CFAP221: variants seen among roughly 807,000 people sequenced by gnomAD.
The protein encoded by CFAP221 is cilia and flagella associated protein 221.
CFAP221 carries 97 observed loss-of-function variants against 113.1 expected under a neutral mutation model. The observed-to-expected ratio is 0.86, with a 90% confidence interval of 0.73 to 1.02. The LOEUF (loss-of-function observed/expected upper bound fraction) is 1.02. Ranked by LOEUF, CFAP221 falls within the 50% of genes least tolerant of loss-of-function variation. CFAP221 has a pLI of 0.00. For missense variants in CFAP221, 1,025 were observed against 1,013.4 expected (o/e 1.01, Z -0.16); for synonymous variants, 331 against 354.4 (o/e 0.93, Z 0.74).
intron 21 of CFAP221, among the ~76,000 whole-genome samples, chr2:119,640,948 G>A (rs752795443): frequency 6.6e-5 from 10 of 152,170 alleles, no homozygotes; most frequent in African/African-American, 2.2e-4. Context: ...CATTCTCAGC[G>A]TTGATGTTTT....
chr2:119,563,849 GC>G (rs751964653), intron 6 of CFAP221, among the ~76,000 whole-genome samples: 20 of 152,218 alleles, frequency 1.3e-4, no homozygotes, highest in Non-Finnish European at 2.5e-4. Context: ...CTCCAAGGAT[GC>G]CATGGGCTGG....
chr2:119,585,591 ATTG>A (rs1464791163), intron 6 of CFAP221, among the ~76,000 whole-genome samples: 1 of 152,092 alleles, frequency 6.6e-6, no homozygotes, highest in African/African-American at 2.4e-5. Flanking sequence ...TCGTTATTTT[ATTG>A]TTCTTTACAT....
At chr2:119,568,811 T>C (rs1681830895) in intron 6 of CFAP221, among the ~76,000 whole-genome samples, 1 of 152,228 alleles carries the variant, frequency 6.6e-6, no homozygotes, top group African/African-American at 2.4e-5. Flanking sequence ...TCTTTCTTTA[T>C]GTAAGTTCAA....
At chr2:119,624,917 G>A (rs1686186241) in intron 14 of CFAP221, among the ~76,000 whole-genome samples, 1 of 152,066 alleles carries the variant, frequency 6.6e-6, no homozygotes, top group Non-Finnish European at 1.5e-5. Context: ...AATACCTAAT[G>A]TAGATGGCGG....
chr2:119,588,909 G>GCC (rs1302532530), intron 7 of CFAP221, among the ~76,000 whole-genome samples: 9 of 152,024 alleles, frequency 5.9e-5, no homozygotes, highest in African/African-American at 2.2e-4. Context: ...GTGGACCGAG[G>GCC]GCCACTCAGA....
chr2:119,635,724 C>A (rs565183893), intron 19 of CFAP221, among the ~76,000 whole-genome samples: 31 of 152,160 alleles, frequency 2.0e-4, no homozygotes, highest in African/African-American at 7.5e-4. Context: ...AATTAGGAGA[C>A]CCTAAGGAAG....
At chr2:119,603,358 C>G (rs747331184) in intron 8 of CFAP221, among the ~76,000 whole-genome samples, 8 of 152,166 alleles carry the variant, frequency 5.3e-5, no homozygotes, top group Non-Finnish European at 1.0e-4. Flanking sequence ...GACAGGGATG[C>G]TGAACCTCAG....
intron 21 of CFAP221, among the ~76,000 whole-genome samples, chr2:119,640,736 C>G (rs1687434490): frequency 2.0e-5 from 3 of 152,316 alleles, no homozygotes; most frequent in Middle Eastern, 3.4e-3. Flanking sequence ...AACCTGAGCT[C>G]TGCCACCAAC....
intron 8 of CFAP221, among the ~76,000 whole-genome samples, chr2:119,603,051 A>G (rs989119718): frequency 6.6e-6 from 1 of 152,218 alleles, no homozygotes; most frequent in Non-Finnish European, 1.5e-5. Flanking sequence ...TATAAATTCT[A>G]TCATGAAGGG....
At chr2:119,561,385 T>C (rs141286982) in intron 5 of CFAP221, among the ~76,000 whole-genome samples, 2 of 152,356 alleles carry the variant, frequency 1.3e-5, no homozygotes, top group Non-Finnish European at 2.9e-5. Context: ...ACAGGCATTG[T>C]ATAAAATGCC....
At chr2:119,569,292 G>A (rs1177149793) in intron 6 of CFAP221, among the ~76,000 whole-genome samples, 1 of 151,954 alleles carries the variant, frequency 6.6e-6, no homozygotes, top group East Asian at 1.9e-4. Context: ...CTAATTTTTT[G>A]TATTTTTAGT....
intron 21 of CFAP221, among the ~76,000 whole-genome samples, chr2:119,643,827 G>A (rs1183479186): frequency 2.0e-5 from 3 of 152,094 alleles, no homozygotes; most frequent in African/African-American, 7.2e-5. Flanking sequence ...TTACAGGCGT[G>A]AGCCACCGTG....
At chr2:119,549,782 G>A (rs1680295111) in intron 3 of CFAP221, among the ~76,000 whole-genome samples, 1 of 152,148 alleles carries the variant, frequency 6.6e-6, no homozygotes, top group Non-Finnish European at 1.5e-5. Context: ...AGGGAGGCAG[G>A]GGTCAGCCCC....
intron 23 of CFAP221, 179 bp from the exon 24 acceptor site, chr2:119,656,183 A>G: frequency 1.8e-6 from 1 of 563,882 alleles, no homozygotes; most frequent in South Asian, 2.1e-5. Context: ...CCAGGTTTGA[A>G]TCATTCATAA....
chr2:119,591,518 G>T (rs961672869), intron 7 of CFAP221, among the ~76,000 whole-genome samples: 20 of 152,332 alleles, frequency 1.3e-4, no homozygotes, highest in Admixed American at 2.6e-4. Context: ...CGCATGCCAG[G>T]TGCTGTGCTA....
chr2:119,633,227 A>G (rs1686900270), intron 19 of CFAP221, among the ~76,000 whole-genome samples: 1 of 152,066 alleles, frequency 6.6e-6, no homozygotes, highest in Non-Finnish European at 1.5e-5. Flanking sequence ...AACATGGATC[A>G]TAGACCTAAA....
rs1264965920 is a variant in CFAP221 at position 119,615,703 on chromosome 2, A to G, written c.1404A>G (p.Ala468=). 6.2e-7 allele frequency: 1 copy of G among 1,608,362 alleles called. No individual in the cohort carries two copies. The highest frequency in any genetic ancestry group is 8.5e-7 in the Non-Finnish European group (1 of 1,175,672). ...SRAQKRFQQV[A]RKVMIQGRLF... is the part of the protein sequence containing the mutation. ...CACAAAAACGGTTTCAACAAGTAGC[A>G]CGCAAGGTAAGTCTCAGCACCAGCT... The change falls in exon 14 of 24, where the codon GCA becomes GCG. Residue 468 remains alanine (A), a synonymous_variant. Transcript: ENST00000413369.
chr2:119,623,507 A>G (rs1196767656), intron 14 of CFAP221, among the ~76,000 whole-genome samples: 1 of 152,166 alleles, frequency 6.6e-6, no homozygotes, highest in African/African-American at 2.4e-5. Context: ...ACAGAATTAG[A>G]AAAAAACTAC....
intron 20 of CFAP221, among the ~76,000 whole-genome samples, chr2:119,639,236 G>A (rs1337030267): frequency 6.6e-6 from 1 of 152,088 alleles, no homozygotes; most frequent in Non-Finnish European, 1.5e-5. Context: ...AAAGCCCTCC[G>A]TGGGTCCCCG....
Sources: gnomAD v4.1 joint callset for allele counts (sites outside exome capture counted in the v4.1 genomes callset) on GRCh38, gnomAD v4.1.1 for gene constraint, MANE v1.5 for transcripts, NCBI Gene and HGNC (gene_info 2026-07-23, HGNC 2026-07-21) for gene names.